The following CUL5 variants were observed in gnomAD, a reference collection of about 807,000 sequenced individuals.
CUL5 encodes the protein cullin-5.
In CUL5, 26 loss-of-function variants were observed where a neutral mutation model predicts 108.8. That is an observed-to-expected ratio of 0.24 (90% CI 0.18 to 0.33). The LOEUF (loss-of-function observed/expected upper bound fraction) is 0.33. Ranked by LOEUF, CUL5 falls within the 10% of genes least tolerant of loss-of-function variation. The pLI, the probability that CUL5 is intolerant of heterozygous loss-of-function variation, is 1.00. For missense variants in CUL5, 524 were observed against 909.2 expected (o/e 0.58, Z 5.45); for synonymous variants, 334 against 298.0 (o/e 1.12, Z -1.25).
rs1370996497 is a variant in CUL5, at chr11:108,080,953, A to AT, written c.1178+2715dup. On this transcript the variant is annotated intron_variant, in intron 11 of 18. Transcript: ENST00000393094. ...CATATTTAGATCATGAAGATTTATC[A>AT]TTATTTATTTATTTATTTATTTATT... is the stretch of plus-strand genomic sequence containing the variant. Among the ~76,000 whole-genome samples the AT allele has an allele frequency of 1.7e-4, 26 of 148,832 alleles. No homozygotes were observed. In the South Asian group the frequency reaches 4.9e-3, roughly 28 times the overall value.
chr11:108,047,291 G>A (rs1194085345), intron 3 of CUL5, among the ~76,000 whole-genome samples: 3 of 152,074 alleles, frequency 2.0e-5, no homozygotes, highest in Admixed American at 6.6e-5. Flanking sequence ...CACTCAGCTT[G>A]GGCAGCAGAG....
chr11:108,037,995 TTC>T (rs1862789062), intron 2 of CUL5, among the ~76,000 whole-genome samples: 1 of 152,218 alleles, frequency 6.6e-6, no homozygotes, highest in African/African-American at 2.4e-5. Context: ...TGTAATCGTT[TTC>T]TCTCTTTATC....
At chr11:108,045,908 A>G (rs985201074) in intron 2 of CUL5, among the ~76,000 whole-genome samples, 4 of 152,160 alleles carry the variant, frequency 2.6e-5, no homozygotes, top group African/African-American at 9.7e-5. Context: ...AAAGGACAAA[A>G]TAGTATACAT....
intron 11 of CUL5, among the ~76,000 whole-genome samples, chr11:108,080,510 C>T (rs1591321787): frequency 6.6e-6 from 1 of 151,974 alleles, no homozygotes; most frequent in East Asian, 1.9e-4. Flanking sequence ...ATTCTCTTGC[C>T]TCAGCCTCCT....
chr11:108,012,438 A>G (rs1345160520), intron 1 of CUL5, among the ~76,000 whole-genome samples: 2 of 149,546 alleles, frequency 1.3e-5, no homozygotes, highest in African/African-American at 2.5e-5. Context: ...TCTCTGTTCC[A>G]TGCTACCTCC....
intron 11 of CUL5, among the ~76,000 whole-genome samples, chr11:108,084,158 G>A (rs1008642101): frequency 6.6e-6 from 1 of 152,200 alleles, no homozygotes; most frequent in African/African-American, 2.4e-5. Flanking sequence ...TGCTTCTGAG[G>A]AGGAGTGGAG....
intron 1 of CUL5, among the ~76,000 whole-genome samples, chr11:108,019,991 C>T (rs1169240530): frequency 6.6e-6 from 1 of 151,994 alleles, no homozygotes; most frequent in Admixed American, 6.6e-5. Context: ...AACCAACTCT[C>T]AGGGAACTAA....
At chr11:108,031,853 G>A (rs1441892787) in intron 1 of CUL5, among the ~76,000 whole-genome samples, 2 of 152,166 alleles carry the variant, frequency 1.3e-5, no homozygotes, top group African/African-American at 2.4e-5. Flanking sequence ...AAAAGAACAA[G>A]ATCATGTCCT....
chr11:108,059,616 C>T (rs767560650), intron 7 of CUL5, among the ~76,000 whole-genome samples: 17 of 152,088 alleles, frequency 1.1e-4, no homozygotes, highest in South Asian at 2.1e-4. Flanking sequence ...CGGTGGCTCA[C>T]GCCTGCAATC....
At chr11:108,063,918 A>G (rs528648286) in intron 7 of CUL5, among the ~76,000 whole-genome samples, 23 of 152,220 alleles carry the variant, frequency 1.5e-4, no homozygotes, top group Non-Finnish European at 2.9e-4. Context: ...TCTTATAGAT[A>G]AAAGCTACTT....
chr11:108,009,509 G>A, intron 1 of CUL5, 137 bp downstream of exon 1: 1 of 896,850 alleles, frequency 1.1e-6, no homozygotes, highest in Non-Finnish European at 1.7e-6. Context: ...CGCGGTGGCA[G>A]CCGGCGAGTA....
rs571361397 is a variant in CUL5, at chr11:108,080,684, A to G, written c.1178+2444A>G. ...GCTGGGATTACAGGCATGAGCCACC[A>G]TGCCTGGCCCTTTTGGCCATTTTTA... On this transcript the variant is annotated intron_variant, in intron 11 of 18. Coordinates refer to ENST00000393094, the MANE Select transcript of CUL5 (RefSeq NM_003478.6). Among the ~76,000 whole-genome samples, 81 of 152,120 alleles carry G rather than the reference A, an allele frequency of 5.3e-4. 1 individual carries two copies. The highest frequency in any genetic ancestry group is 1.7e-3 in the African/African-American group (70 of 41,538).
At chr11:108,011,596 TA>T (rs370615007) in intron 1 of CUL5, among the ~76,000 whole-genome samples, 1 of 151,336 alleles carries the variant, frequency 6.6e-6, no homozygotes, top group Non-Finnish European at 1.5e-5. Context: ...GCCAATGTCA[TA>T]AAAAAAACCA....
chr11:108,042,046 G>C (rs1422409114), intron 2 of CUL5, among the ~76,000 whole-genome samples: 1 of 152,132 alleles, frequency 6.6e-6, no homozygotes, highest in East Asian at 1.9e-4. Context: ...GTCCACATTA[G>C]AGAGACATTT....
At chr11:108,064,251 CA>C (rs1323680452) in intron 7 of CUL5, among the ~76,000 whole-genome samples, 3 of 152,202 alleles carry the variant, frequency 2.0e-5, no homozygotes, top group Admixed American at 2.0e-4. Flanking sequence ...TGAATTTTAT[CA>C]GATGCTTTTT....
In CUL5 at chr11:108,041,116, A is replaced by G. The variant is rs764207482; in HGVS notation, c.135-5154A>G. On this transcript the variant is annotated intron_variant, in intron 2 of 18. Coordinates refer to ENST00000393094, the MANE Select transcript of CUL5 (RefSeq NM_003478.6). ...CCAGAATTCTTCAACAGCCTTACCAACCTTTCTTAGAACTGTGCTGATTCT... is the reference window on the plus strand; with the variant it reads ...CCAGAATTCTTCAACAGCCTTACCAGCCTTTCTTAGAACTGTGCTGATTCT... 5.9e-5 allele frequency among the ~76,000 whole-genome samples: 9 copies of G among 152,192 alleles called. No homozygotes were observed. The East Asian group carries it at 7.7e-4, about 13-fold the overall frequency.
chr11:108,098,279 C>A, intron 17 of CUL5, 127 bp from the exon 18 acceptor site: 3 of 804,894 alleles, frequency 3.7e-6, no homozygotes, highest in Non-Finnish European at 5.5e-6. Flanking sequence ...GGTTATTTGT[C>A]ATTTAACCTT....
intron 11 of CUL5, among the ~76,000 whole-genome samples, chr11:108,085,256 A>G (rs965534287): frequency 1.3e-5 from 2 of 152,240 alleles, no homozygotes; most frequent in African/African-American, 4.8e-5. Context: ...TAAGAAATGA[A>G]TTATTATTCT....
chr11:108,010,279 C>G (rs1480506016), intron 1 of CUL5, among the ~76,000 whole-genome samples: 1 of 152,222 alleles, frequency 6.6e-6, no homozygotes, highest in Non-Finnish European at 1.5e-5. Context: ...TTGCACCAGC[C>G]TAATACAAAG....
Sources: allele counts gnomAD v4.1 joint callset (sites outside exome capture counted in the v4.1 genomes callset), GRCh38; gene constraint gnomAD v4.1.1; transcripts MANE v1.5; gene names NCBI Gene and HGNC (gene_info 2026-07-23, HGNC 2026-07-21).